Variants in ZNF462 observed in about 807,000 individuals in gnomAD.
ZNF462 encodes zinc finger protein 462, also known as zinc finger PBX1-interacting protein.
ZNF462 carries 10 observed loss-of-function variants against 201.9 expected under a neutral mutation model. That is an observed-to-expected ratio of 0.05 (90% confidence interval 0.03 to 0.08). ZNF462 has a LOEUF of 0.08. Ranked by LOEUF, ZNF462 falls within the 10% of genes least tolerant of loss-of-function variation. The probability of loss-of-function intolerance (pLI) is 1.00; values close to 1 mark genes in which losing one functional copy is unlikely to be tolerated. For synonymous variants in ZNF462, 1,227 were observed against 1,193.3 expected, an observed-to-expected ratio of 1.03 and a Z score of -0.58; for missense variants, 2,523 against 3,168.3, an observed-to-expected ratio of 0.80 and a Z score of 4.89.
rs1217559389 is a variant in ZNF462 at position 106,928,198 on chromosome 9, G to T, written c.4286G>T (p.Cys1429Phe). ...GAAGAGTTGGCAGGCCCTGTGAATT[G>T]TGAAAACAGTATACCCACCCCTTTC... ...SSEELAGPVN[C>F]ENSIPTPFPE... Residue 1429 changes from cysteine to phenylalanine, a missense_variant, in exon 3 of 13, where the codon TGT becomes TTT. By Grantham distance (205) the Cys-to-Phe change is radical. Transcript: ENST00000277225. The surrounding 1 kb of genome is among the most constrained non-coding windows in gnomAD (Gnocchi z 9.3). 6.2e-7 allele frequency: 1 copy of T among 1,614,126 alleles called. No individual in the cohort carries two copies. The highest frequency in any genetic ancestry group is 8.5e-7 in the Non-Finnish European group (1 of 1,180,028).
chr9:106,960,026 A>C (rs190564013), intron 7 of ZNF462, among the ~76,000 whole-genome samples: 18 of 152,186 alleles, frequency 1.2e-4, no homozygotes, highest in Non-Finnish European at 5.9e-5. Context: ...AAAAGAAAAA[A>C]AGGGTTAAGA....
In ZNF462 at chr9:106,972,325, C is replaced by T; in HGVS notation, c.6695+53C>T. The T allele has an allele frequency of 6.4e-7, 1 of 1,573,410 alleles. No individual in the cohort carries two copies. The highest frequency in any genetic ancestry group is 8.6e-7 in the Non-Finnish European group (1 of 1,159,612). On this transcript the variant is annotated intron_variant, in intron 8 of 12. Coordinates refer to ENST00000277225, the MANE Select transcript of ZNF462 (RefSeq NM_021224.6). This position sits in a 1 kb window ranked among gnomAD's most constrained non-coding sequence, Gnocchi z 4.8. ...AAACAAGGCGGCCGCCCCTGCTCCA[C>T]CCCTCACTGCAGGCTTCCCTTACAC...
At chr9:106,891,344 C>T (rs930668765) in intron 1 of ZNF462, among the ~76,000 whole-genome samples, 2 of 152,034 alleles carry the variant, frequency 1.3e-5, no homozygotes, top group Admixed American at 6.5e-5. Context: ...TCTTTGTTTT[C>T]CCCCTGAGTT....
In ZNF462 at chr9:106,981,750, C is replaced by T. The variant is rs1438197377; in HGVS notation, c.6833-2436C>T. ...TGGTAGAGGAATTGAAAAGGAGGCT[C>T]ATAAAAAAGTTTGAAAGAACTGATT... On this transcript the variant is annotated intron_variant, in intron 9 of 12. Transcript: ENST00000277225. The surrounding 1 kb of genome is among the most constrained non-coding windows in gnomAD (Gnocchi z 4.0). Among the ~76,000 whole-genome samples the T allele has an allele frequency of 6.6e-6, 1 of 152,064 alleles. No individual in the cohort carries two copies. Among genetic ancestry groups the T allele is most frequent in the African/African-American group, 2.4e-5 (1 of 41,410 alleles).
rs1256126907 is a variant in ZNF462 at position 106,870,322 on chromosome 9, A to G, written c.-31+6967A>G. Among the ~76,000 whole-genome samples, 1 of 152,024 alleles carries G rather than the reference A, an allele frequency of 6.6e-6. No homozygotes were observed. The highest frequency in any genetic ancestry group is 1.5e-5 in the Non-Finnish European group (1 of 67,996). On this transcript the variant is annotated intron_variant, in intron 1 of 12. Coordinates refer to ENST00000277225, the MANE Select transcript of ZNF462 (RefSeq NM_021224.6). The surrounding 1 kb of genome is among the most constrained non-coding windows in gnomAD (Gnocchi z 4.3). ...GAAGGTTTTTTTTGTGTGCCAGGTCATGGGTATTTTGGTATTGATTTCCTT... is the reference window on the plus strand; with the variant it reads ...GAAGGTTTTTTTTGTGTGCCAGGTCGTGGGTATTTTGGTATTGATTTCCTT...
intron 7 of ZNF462, among the ~76,000 whole-genome samples, chr9:106,949,969 G>T (rs1831268796): frequency 6.6e-6 from 1 of 151,998 alleles, no homozygotes; most frequent in Non-Finnish European, 1.5e-5. Flanking sequence ...GACCACTGTG[G>T]GTGGATCTCC....
Position 106,927,204 on chromosome 9 carries a change from T to TGGG in ZNF462, c.3292_3293insGGG (p.Ser1098delinsTrpAla). ...GTCTCCCAAAATGTCCAACATGGGT[T>TGGG]CCCCACCCCCCCCACAACCCCCGCC... is the stretch of plus-strand genomic sequence containing the variant. On this transcript the variant is annotated protein_altering_variant, in exon 3 of 13. Coordinates refer to ENST00000277225, the MANE Select transcript of ZNF462 (RefSeq NM_021224.6). 2 of 1,570,384 alleles carry TGGG rather than the reference T, an allele frequency of 1.3e-6. No homozygotes were observed. Among genetic ancestry groups the TGGG allele is most frequent in the Non-Finnish European group, 1.7e-6 (2 of 1,149,782 alleles).
chr9:106,951,648 A>C (rs1296481138), intron 7 of ZNF462, among the ~76,000 whole-genome samples: 1 of 152,136 alleles, frequency 6.6e-6, no homozygotes, highest in Non-Finnish European at 1.5e-5. Context: ...AGCAGCTTTC[A>C]CTGTGCTCCT....
In ZNF462 at chr9:106,932,321, C is replaced by G; in HGVS notation, c.6013-125C>G. 1 of 1,557,092 alleles carries G rather than the reference C, an allele frequency of 6.4e-7. No homozygotes were observed. Among genetic ancestry groups the G allele is most frequent in the Non-Finnish European group, 8.7e-7 (1 of 1,150,016 alleles). ...GATGGATTGGAAGCAGCCAAAGACG[C>G]CAGTGGCGCCCTGGTGGGCCGGGTG... On this transcript the variant is annotated intron_variant, in intron 4 of 12. Coordinates refer to ENST00000277225, the MANE Select transcript of ZNF462 (RefSeq NM_021224.6). The surrounding 1 kb of genome is among the most constrained non-coding windows in gnomAD (Gnocchi z 6.8).
intron 1 of ZNF462, among the ~76,000 whole-genome samples, chr9:106,879,374 G>C (rs527822729): frequency 7.5e-4 from 90 of 119,768 alleles, no homozygotes; most frequent in Non-Finnish European, 1.2e-3. Flanking sequence ...TCCTCTTCTG[G>C]AGCTTTCACA....
Position 106,981,968 on chromosome 9 carries a change from G to C in ZNF462, c.6833-2218G>C, listed in dbSNP as rs555721041. On this transcript the variant is annotated intron_variant, in intron 9 of 12. Coordinates refer to ENST00000277225, the MANE Select transcript of ZNF462 (RefSeq NM_021224.6). This position sits in a 1 kb window ranked among gnomAD's most constrained non-coding sequence, Gnocchi z 4.0. Reference sequence around the variant, plus strand: ...GTAGAGATGATAACATATAAATGAGGAACTAAAATGTAGAGAGAGCAAGGG... The same window carrying C: ...GTAGAGATGATAACATATAAATGAGCAACTAAAATGTAGAGAGAGCAAGGG... Among the ~76,000 whole-genome samples, 7 of 152,302 alleles carry C rather than the reference G, an allele frequency of 4.6e-5. No homozygotes were observed. The South Asian group carries it at 1.2e-3, about 27-fold the overall frequency.
chr9:106,892,120 G>A (rs1284171789), intron 1 of ZNF462, among the ~76,000 whole-genome samples: 1 of 152,168 alleles, frequency 6.6e-6, no homozygotes, highest in South Asian at 2.1e-4. Flanking sequence ...TAAAATTGGT[G>A]GTGGCCCAAG....
chr9:106,940,347 A>G (rs2131631121), intron 7 of ZNF462, among the ~76,000 whole-genome samples: 1 of 152,222 alleles, frequency 6.6e-6, no homozygotes, highest in South Asian at 2.1e-4. Context: ...AACAAGTACG[A>G]ATTTTGGTTA....
rs779360853 is a variant in ZNF462, at chr9:106,925,979, C to G, written c.2067C>G (p.Pro689=). The G allele has an allele frequency of 6.2e-7, 1 of 1,614,012 alleles. No individual in the cohort carries two copies. Among genetic ancestry groups the G allele is most frequent in the Non-Finnish European group, 8.5e-7 (1 of 1,180,028 alleles). Reference sequence around the variant, plus strand: ...ATGACTTTCCTCTAGATTTGTCACCCGTGAAGAAGAGAACCAGGATTGACG... The same window carrying G: ...ATGACTTTCCTCTAGATTTGTCACCGGTGAAGAAGAGAACCAGGATTGACG... ...LANDFPLDLS[P]VKKRTRIDEI... is the part of the protein sequence containing the mutation. The change falls in exon 3 of 13, where the codon CCC becomes CCG. Residue 689 remains proline, a synonymous_variant. Transcript: ENST00000277225. The surrounding 1 kb of genome is among the most constrained non-coding windows in gnomAD (Gnocchi z 7.9).
chr9:106,912,027 A>G (rs975931443), intron 1 of ZNF462, among the ~76,000 whole-genome samples: 1 of 152,220 alleles, frequency 6.6e-6, no homozygotes, highest in Non-Finnish European at 1.5e-5. Flanking sequence ...TAGATGTTCC[A>G]CAAAGAGGCT....
intron 1 of ZNF462, among the ~76,000 whole-genome samples, chr9:106,921,145 C>T (rs942526537): frequency 1.3e-5 from 2 of 152,104 alleles, no homozygotes; most frequent in Admixed American, 6.5e-5. Context: ...GGAAGGACGA[C>T]TTCCAAGAAG....
Position 106,972,295 on chromosome 9 carries a change from A to G in ZNF462, c.6695+23A>G, listed in dbSNP as rs570825822. 4.5e-5 allele frequency: 72 copies of G among 1,604,550 alleles called. No individual in the cohort carries two copies. In the South Asian group the frequency reaches 6.8e-4, roughly 15 times the overall value. ...TAAGTAAGTGACGTAATGAACAGCTATGGAAAACAAGGCGGCCGCCCCTGC... is the reference window on the plus strand; with the variant it reads ...TAAGTAAGTGACGTAATGAACAGCTGTGGAAAACAAGGCGGCCGCCCCTGC... On this transcript the variant is annotated intron_variant, in intron 8 of 12. Transcript: ENST00000277225. The surrounding 1 kb of genome is among the most constrained non-coding windows in gnomAD (Gnocchi z 4.8).
chr9:107,009,309 T>C lies in ZNF462; in HGVS notation c.7190-236T>C, dbSNP rs930395246. On this transcript the variant is annotated intron_variant, in intron 11 of 12. Coordinates refer to ENST00000277225, the MANE Select transcript of ZNF462 (RefSeq NM_021224.6). This position sits in a 1 kb window ranked among gnomAD's most constrained non-coding sequence, Gnocchi z 6.1. ...AGACCCAGATTTTGTGATAGAAGCA[T>C]TGGGGAGGTGAGGCGAAATGAGGTC... The C allele has an allele frequency of 3.3e-5, 16 of 479,934 alleles. No homozygotes were observed. The highest frequency in any genetic ancestry group is 7.0e-5 in the Admixed American group (2 of 28,734). The allele number at this position is 479,934 out of a possible 1,614,324, so 29.7% of individuals were successfully genotyped here.
At position 106,984,105 on chromosome 9, in the gene ZNF462, T is replaced by A. The variant is rs1200726937; in HGVS notation, c.6833-81T>A. ...CGAGGAGCAGCAAGATTGGGTGAGTTTCTTCTTGTATTCCAAAGAAAGAAC... is the reference window on the plus strand; with the variant it reads ...CGAGGAGCAGCAAGATTGGGTGAGTATCTTCTTGTATTCCAAAGAAAGAAC... On this transcript the variant is annotated intron_variant, in intron 9 of 12. Transcript: ENST00000277225. The surrounding 1 kb of genome is among the most constrained non-coding windows in gnomAD (Gnocchi z 6.4). The A allele has an allele frequency of 1.8e-5, 25 of 1,356,370 alleles. No homozygotes were observed. Among genetic ancestry groups the A allele is most frequent in the Non-Finnish European group, 2.4e-5 (23 of 976,676 alleles). 84.0% of individuals were successfully genotyped at this position (1,356,370 alleles called of 1,614,324 possible). A position where few individuals can be genotyped will look rare whatever the true frequency, so the allele number is the denominator to read the frequency against.
Sources: gnomAD v4.1 joint callset for allele counts (sites outside exome capture counted in the v4.1 genomes callset) on GRCh38, gnomAD v4.1.1 for gene constraint, Gnocchi (gnomAD v3.1) non-coding constraint, MANE v1.5 for transcripts, NCBI Gene and HGNC (gene_info 2026-07-23, HGNC 2026-07-21) for gene names.